CATSPERB: variants seen among roughly 807,000 people sequenced by gnomAD.
CATSPERB encodes cation channel sperm-associated auxiliary subunit beta.
A neutral mutation model predicts 128.3 loss-of-function variants in CATSPERB; 93 were observed. That is an observed-to-expected ratio of 0.72 (90% confidence interval 0.61 to 0.86). CATSPERB has a LOEUF of 0.86. Among genes scored for constraint, CATSPERB ranks in the 40% least tolerant of loss-of-function variants. The pLI, the probability that CATSPERB is intolerant of heterozygous loss-of-function variation, is 0.00. For missense variants in CATSPERB, 1,153 were observed against 1,329.5 expected, an observed-to-expected ratio of 0.87 and a Z score of 2.06; for synonymous variants, 381 against 448.8, an observed-to-expected ratio of 0.85 and a Z score of 1.91.
intron 10 of CATSPERB, among the ~76,000 whole-genome samples, chr14:91,689,545 T>C (rs1413097049): frequency 6.6e-6 from 1 of 152,190 alleles, no homozygotes; most frequent in Non-Finnish European, 1.5e-5. Flanking sequence ...TTTTAAAATA[T>C]ATATTATCTT....
At chr14:91,730,737 G>A (rs1030848225) in intron 1 of CATSPERB, among the ~76,000 whole-genome samples, 3 of 152,180 alleles carry the variant, frequency 2.0e-5, no homozygotes, top group African/African-American at 7.2e-5. Flanking sequence ...TGCAGTTCCT[G>A]ACAACTGCTG....
At chr14:91,591,820 A>T in intron 23 of CATSPERB, 72 bp downstream of exon 23, 2 of 998,458 alleles carry the variant, frequency 2.0e-6, no homozygotes, top group Non-Finnish European at 3.2e-6. Flanking sequence ...TTCATGTTTA[A>T]CCTAAAGGCA....
At chr14:91,710,846 A>C (rs765980077) in intron 5 of CATSPERB, among the ~76,000 whole-genome samples, 1 of 151,946 alleles carries the variant, frequency 6.6e-6, no homozygotes, top group Non-Finnish European at 1.5e-5. Context: ...AATTTTTTTT[A>C]CCATATCTTG....
chr14:91,729,686 T>G (rs1286392488), intron 1 of CATSPERB, among the ~76,000 whole-genome samples: 1 of 152,192 alleles, frequency 6.6e-6, no homozygotes, highest in Non-Finnish European at 1.5e-5. Context: ...TAGGTATAAT[T>G]ATTACAAACT....
chr14:91,669,493 G>A lies in CATSPERB; in HGVS notation c.1287+321C>T, dbSNP rs1030976156. On this transcript the variant is annotated intron_variant, in intron 14 of 26. Transcript: ENST00000256343. ...CAAACATTAAATGCTGGAAACACCA[G>A]TTAGAAATACACTTTTGATGGGATT... Among the ~76,000 whole-genome samples, 10 of 152,284 alleles carry A rather than the reference G, an allele frequency of 6.6e-5. No homozygotes were observed. The East Asian group carries it at 1.4e-3, about 21-fold the overall frequency.
intron 2 of CATSPERB, among the ~76,000 whole-genome samples, chr14:91,728,596 T>C (rs1055284224): frequency 6.6e-6 from 1 of 152,186 alleles, no homozygotes; most frequent in Non-Finnish European, 1.5e-5. Context: ...TAACTTTCCC[T>C]CCACGGACTG....
chr14:91,650,318 A>G (rs1214748631), intron 15 of CATSPERB, among the ~76,000 whole-genome samples: 1 of 152,236 alleles, frequency 6.6e-6, no homozygotes, highest in African/African-American at 2.4e-5. Context: ...TGTGCAGAGA[A>G]GAAAATAAAG....
At chr14:91,655,767 G>A (rs1354021317) in intron 15 of CATSPERB, among the ~76,000 whole-genome samples, 1 of 152,104 alleles carries the variant, frequency 6.6e-6, no homozygotes, top group East Asian at 1.9e-4. Context: ...GATAGGGATT[G>A]AACATTTATT....
chr14:91,634,415 G>T (rs1894332765), intron 17 of CATSPERB, among the ~76,000 whole-genome samples: 1 of 151,800 alleles, frequency 6.6e-6, no homozygotes, highest in African/African-American at 2.4e-5. Context: ...GTACTGGCAG[G>T]TAATAAGATT....
intron 10 of CATSPERB, among the ~76,000 whole-genome samples, chr14:91,686,229 A>G (rs942772521): frequency 3.9e-4 from 59 of 152,178 alleles, no homozygotes; most frequent in African/African-American, 1.4e-3. Context: ...TTGTTTGTGT[A>G]TTTTTTAATG....
chr14:91,598,978 T>TTTATAGTTTAGCTTTTAAA lies in CATSPERB; in HGVS notation c.2710-6995_2710-6977dup, dbSNP rs1893561378. Among the ~76,000 whole-genome samples the TTTATAGTTTAGCTTTTAAA allele has an allele frequency of 3.3e-5, 5 of 152,120 alleles. No individual in the cohort carries two copies. In the South Asian group the frequency reaches 1.0e-3, roughly 32 times the overall value. ...TGAACTAACTTTGGAAGGAACTTGGTTTATAGTTTAGCTTTTAAACAAAGA... is the reference window on the plus strand; with the variant it reads ...TGAACTAACTTTGGAAGGAACTTGGTTTATAGTTTAGCTTTTAAATTATAGTTTAGCTTTTAAACAAAGA... On this transcript the variant is annotated intron_variant, in intron 22 of 26. Transcript: ENST00000256343.
Position 91,691,662 on chromosome 14 carries a change from A to G in CATSPERB, c.832-107T>C, listed in dbSNP as rs184900355. 7,559 of 799,672 alleles carry G rather than the reference A, an allele frequency of 9.5e-3. 66 individuals are homozygous for G. The highest frequency in any genetic ancestry group is 9.6e-3 in the Non-Finnish European group (4,905 of 509,818). The allele number at this position is 799,672 out of a possible 1,614,324, so 49.5% of individuals were successfully genotyped here. A position where few individuals can be genotyped will look rare whatever the true frequency, so the allele number is the denominator to read the frequency against. ...GAAATAAACCATATAAATTCGTTGA[A>G]ACAAAATTATAACTAAATTATATGT... On this transcript the variant is annotated intron_variant, in intron 9 of 26. Coordinates refer to ENST00000256343, the MANE Select transcript of CATSPERB (RefSeq NM_024764.4).
At chr14:91,624,340 T>C (rs560213029) in intron 18 of CATSPERB, among the ~76,000 whole-genome samples, 56 of 152,290 alleles carry the variant, frequency 3.7e-4, no homozygotes, top group African/African-American at 1.3e-3. Context: ...AGAGATTAGC[T>C]GGGCGTGGCA....
intron 16 of CATSPERB, among the ~76,000 whole-genome samples, chr14:91,638,584 C>A (rs1894425327): frequency 6.6e-6 from 1 of 152,114 alleles, no homozygotes; most frequent in Non-Finnish European, 1.5e-5. Context: ...CCACACCAGG[C>A]TAATTTTTTA....
chr14:91,723,703 G>C (rs1306781505), intron 3 of CATSPERB, among the ~76,000 whole-genome samples: 1 of 152,120 alleles, frequency 6.6e-6, no homozygotes, highest in Non-Finnish European at 1.5e-5. Context: ...CTGAGTTTTA[G>C]TTTCCCTAAT....
chr14:91,607,679 T>C (rs1893736899), intron 22 of CATSPERB, among the ~76,000 whole-genome samples: 1 of 152,214 alleles, frequency 6.6e-6, no homozygotes, highest in Non-Finnish European at 1.5e-5. Flanking sequence ...ACCAATTTTA[T>C]GTATTCGTGT....
At chr14:91,704,917 G>A (rs764950678) in intron 6 of CATSPERB, among the ~76,000 whole-genome samples, 27 of 152,224 alleles carry the variant, frequency 1.8e-4, no homozygotes, top group Non-Finnish European at 2.6e-4. Flanking sequence ...GGGCTGGCAA[G>A]GTTACATTGC....
intron 5 of CATSPERB, 143 bp from the exon 6 acceptor site, chr14:91,708,379 C>T (rs1044747051): frequency 2.9e-5 from 17 of 588,564 alleles, no homozygotes; most frequent in Admixed American, 7.0e-5. Flanking sequence ...AAATTTCATA[C>T]GTTTTCCCTA....
chr14:91,700,364 G>A (rs2139851335), intron 7 of CATSPERB, among the ~76,000 whole-genome samples: 1 of 152,196 alleles, frequency 6.6e-6, no homozygotes, highest in Non-Finnish European at 1.5e-5. Flanking sequence ...TTGGCTTCTA[G>A]TTTTCTTTTT....
Sources: gnomAD v4.1 joint callset for allele counts (sites outside exome capture counted in the v4.1 genomes callset) on GRCh38, gnomAD v4.1.1 for gene constraint, MANE v1.5 for transcripts, NCBI Gene and HGNC (gene_info 2026-07-23, HGNC 2026-07-21) for gene names.